RTL1: variants seen among roughly 807,000 people sequenced by gnomAD.
RTL1 encodes retrotransposon-like protein 1.
For missense variants in RTL1, 1,681 were observed against 1,767.5 expected (o/e 0.95, Z 0.88); for synonymous variants, 727 against 748.4 (o/e 0.97, Z 0.47).
At chr14:100,899,477 G>C (rs1223294310) in intron 2 of RTL1, among the ~76,000 whole-genome samples, 4 of 152,162 alleles carry the variant, frequency 2.6e-5, no homozygotes, top group Admixed American at 6.5e-5. Context: ...CACAGGCTTT[G>C]GGGGAGAGGA....
chr14:100,895,678 A>G (rs2038846173), intron 2 of RTL1, among the ~76,000 whole-genome samples: 2 of 152,110 alleles, frequency 1.3e-5, no homozygotes, highest in Non-Finnish European at 2.9e-5. Context: ...GTTTATGCGG[A>G]CTTTGAGAGG....
chr14:100,895,281 A>G (rs116871787), intron 2 of RTL1, among the ~76,000 whole-genome samples: 4,416 of 152,130 alleles, frequency 0.029, 95 homozygotes, highest in Middle Eastern at 0.11. Flanking sequence ...AGAGGGCAGG[A>G]TCTGCTTAGG....
At position 100,881,103 on chromosome 14, in the gene RTL1, T is replaced by A; in HGVS notation, c.3686A>T (p.Asp1229Val). Residue 1229 changes from aspartate (D) to valine (V), a missense_variant, in exon 4 of 4, where the codon GAT becomes GTT. Physicochemically the swap from Asp to Val is radical, Grantham distance 152 (BLOSUM62 -3). Coordinates refer to ENST00000649591, the MANE Select transcript of RTL1 (RefSeq NM_001134888.3). The surrounding 1 kb of genome is among the most constrained non-coding windows in gnomAD (Gnocchi z 6.6). ...YLELHVVGDE[D>V]VVLREALQDD... ...TTGCAGGGCTTCTCGCAAGACGACA[T>A]CCTCATCACCAACGACGTGCAGCTC... 5.7e-6 allele frequency: 9 copies of A among 1,589,390 alleles called. No homozygotes were observed. The highest frequency in any genetic ancestry group is 1.3e-5 in the African/African-American group (1 of 74,458).
intron 2 of RTL1, among the ~76,000 whole-genome samples, chr14:100,900,819 G>T (rs562126813): frequency 6.6e-6 from 1 of 152,044 alleles, no homozygotes; most frequent in African/African-American, 2.4e-5. Flanking sequence ...CCCCTCCCCC[G>T]TTTATGTAAA....
At position 100,883,757 on chromosome 14, in the gene RTL1, C is replaced by T. The variant is rs1198505814; in HGVS notation, c.1032G>A (p.Pro344=). 12 of 1,551,516 alleles carry T rather than the reference C, an allele frequency of 7.7e-6. No homozygotes were observed. Among genetic ancestry groups the T allele is most frequent in the South Asian group, 2.4e-5 (2 of 84,056 alleles). The change falls in exon 4 of 4, where the codon CCG becomes CCA. Residue 344 remains proline, a synonymous_variant. Transcript: ENST00000649591. This position sits in a 1 kb window ranked among gnomAD's most constrained non-coding sequence, Gnocchi z 5.9. ...GCACAATCAGACTGTCTAGGGAATCCGGCTGAGGGACCCGGAATAGATAGT... is the reference window on the plus strand; with the variant it reads ...GCACAATCAGACTGTCTAGGGAATCTGGCTGAGGGACCCGGAATAGATAGT... ...IRHYLFRVPQ[P]DSLDSLIVLI...
Position 100,881,046 on chromosome 14 carries a change from A to T in RTL1, c.3743T>A (p.Leu1248Gln). ...CGAGGTGTCTTGCAGGCCGTCATGC[A>T]GGCCACACTGACGGTAACGTTGCAG... The part of the protein sequence containing the change: ...DDLQRYRQCG[L>Q]HDGLQDTSQD... Residue 1248 changes from leucine to glutamine, a missense_variant, in exon 4 of 4, where the codon CTG becomes CAG. By Grantham distance (113) the Leu-to-Gln change is moderately radical. Transcript: ENST00000649591. This position sits in a 1 kb window ranked among gnomAD's most constrained non-coding sequence, Gnocchi z 6.6. The T allele has an allele frequency of 6.2e-7, 1 of 1,601,714 alleles. No homozygotes were observed. Among genetic ancestry groups the T allele is most frequent in the Non-Finnish European group, 8.5e-7 (1 of 1,174,216 alleles).
chr14:100,892,146 G>C (rs1253820301), intron 3 of RTL1, among the ~76,000 whole-genome samples: 2 of 152,206 alleles, frequency 1.3e-5, no homozygotes, highest in Non-Finnish European at 2.9e-5. Flanking sequence ...TGGGAGGGGT[G>C]TAAGAGTGGA....
chr14:100,885,663 C>T (rs995834694), intron 3 of RTL1, among the ~76,000 whole-genome samples: 6 of 152,018 alleles, frequency 3.9e-5, no homozygotes, highest in East Asian at 1.9e-4. Flanking sequence ...TATGTTCTCC[C>T]GACCTCTGAG....
rs1241802254 is a variant in RTL1, at chr14:100,880,218, G to A, written c.*494C>T. ...TCGGGAGGTTGGGGGATGGGGGTTG[G>A]GGGGCGGGGGCGGGAGCTCAGGGGA... On this transcript the variant is annotated 3_prime_UTR_variant, in exon 4 of 4. Transcript: ENST00000649591. Among the ~76,000 whole-genome samples the A allele has an allele frequency of 6.7e-6, 1 of 148,628 alleles. No homozygotes were observed. The highest frequency in any genetic ancestry group is 2.5e-5 in the African/African-American group (1 of 40,440).
intron 3 of RTL1, among the ~76,000 whole-genome samples, chr14:100,886,946 A>G (rs779983735): frequency 2.0e-5 from 3 of 152,206 alleles, no homozygotes; most frequent in Non-Finnish European, 4.4e-5. Flanking sequence ...AAATCCTTCA[A>G]TGTTCCTGCC....
Position 100,883,382 on chromosome 14 carries a change from G to C in RTL1, c.1407C>G (p.Asn469Lys). ...VQSVDGSLIG[N>K]EPVWLYTEPL... is the part of the protein sequence containing the mutation. ...GCTCCGTGTAGAGCCAGACAGGCTCGTTGCCAATCAGCGAGCCGTCCACGG... is the reference window on the plus strand; with the variant it reads ...GCTCCGTGTAGAGCCAGACAGGCTCCTTGCCAATCAGCGAGCCGTCCACGG... The change falls in exon 4 of 4, where the codon AAC (asparagine) becomes AAG (lysine). Residue 469 changes from asparagine to lysine, a missense_variant. Coordinates refer to ENST00000649591, the MANE Select transcript of RTL1 (RefSeq NM_001134888.3). The surrounding 1 kb of genome is among the most constrained non-coding windows in gnomAD (Gnocchi z 5.9). 6.4e-7 allele frequency: 1 copy of C among 1,550,648 alleles called. No homozygotes were observed. The highest frequency in any genetic ancestry group is 8.7e-7 in the Non-Finnish European group (1 of 1,146,334).
Position 100,881,967 on chromosome 14 carries a change from G to T in RTL1, c.2822C>A (p.Thr941Asn). ...GAGAAGGATCATGATGGGCTCCTCG[G>T]TGTTCTCCAGGTAGCGGCACCACAC... ...FMVWCRYLEN[T>N]EEPIMILLNT... is the part of the protein sequence containing the mutation. The change falls in exon 4 of 4, where the codon ACC becomes AAC. Residue 941 changes from threonine to asparagine, a missense_variant. Transcript: ENST00000649591. This position sits in a 1 kb window ranked among gnomAD's most constrained non-coding sequence, Gnocchi z 6.6. The T allele has an allele frequency of 1.2e-6, 2 of 1,613,784 alleles. No individual in the cohort carries two copies. The highest frequency in any genetic ancestry group is 1.7e-6 in the Non-Finnish European group (2 of 1,180,018).
At chr14:100,891,996 C>T (rs953080240) in intron 3 of RTL1, among the ~76,000 whole-genome samples, 3 of 152,206 alleles carry the variant, frequency 2.0e-5, no homozygotes, top group African/African-American at 7.2e-5. Context: ...CCATTGCTGC[C>T]TTAGTTCCAC....
At chr14:100,903,223 C>T (rs530861538) in intron 2 of RTL1, among the ~76,000 whole-genome samples, 68 bp downstream of exon 2, 26 of 152,270 alleles carry the variant, frequency 1.7e-4, no homozygotes, top group Non-Finnish European at 3.7e-4. Context: ...GGGGTCCGGG[C>T]ATCCCATAGA....
rs144074767 is a variant in RTL1, at chr14:100,893,751, C to T, written c.-148-246G>A. Among the ~76,000 whole-genome samples the T allele has an allele frequency of 7.2e-5, 11 of 152,330 alleles. No homozygotes were observed. In the East Asian group the frequency reaches 1.5e-3, roughly 21 times the overall value. ...TTTTACAGGTTTTCACTCTTTCAATCGTTCTAAGAAGCTGCGAGGGCCTTC... is the reference window on the plus strand; with the variant it reads ...TTTTACAGGTTTTCACTCTTTCAATTGTTCTAAGAAGCTGCGAGGGCCTTC... On this transcript the variant is annotated intron_variant, in intron 2 of 3. Coordinates refer to ENST00000649591, the MANE Select transcript of RTL1 (RefSeq NM_001134888.3). This position sits in a 1 kb window ranked among gnomAD's most constrained non-coding sequence, Gnocchi z 4.2.
Position 100,883,033 on chromosome 14 carries a change from C to A in RTL1, c.1756G>T (p.Asp586Tyr). Residue 586 changes from aspartate to tyrosine, a missense_variant, in exon 4 of 4, where the codon GAT becomes TAT. Physicochemically the swap from Asp to Tyr is radical, Grantham distance 160. Transcript: ENST00000649591. The surrounding 1 kb of genome is among the most constrained non-coding windows in gnomAD (Gnocchi z 5.9). The stretch of plus-strand genomic sequence containing the variant: ...TCAGAGGGCTCTGATTCAGAAAGAT[C>A]ATCGGATCCGTCTGAGCTTGGCTGG... ...SDQPSSDGSD[D>Y]LSESEPSELQ... 5 of 1,614,158 alleles carry A rather than the reference C, an allele frequency of 3.1e-6. No homozygotes were observed. The highest frequency in any genetic ancestry group is 4.2e-6 in the Non-Finnish European group (5 of 1,180,040).
intron 2 of RTL1, among the ~76,000 whole-genome samples, chr14:100,902,157 C>T (rs943624374): frequency 3.3e-5 from 5 of 152,328 alleles, no homozygotes; most frequent in African/African-American, 4.8e-5. Context: ...AGGGCTCGCA[C>T]GCAGAGCTGC....
In RTL1 at chr14:100,883,579, T is replaced by C. The variant is rs2038652822; in HGVS notation, c.1210A>G (p.Ile404Val). The change falls in exon 4 of 4, where the codon ATC (isoleucine) becomes GTC (valine). Residue 404 changes from isoleucine to valine, a missense_variant. Physicochemically the swap from Ile to Val is conservative, Grantham distance 29. Transcript: ENST00000649591. The surrounding 1 kb of genome is among the most constrained non-coding windows in gnomAD (Gnocchi z 5.9). ...AGCAGGAAGAGGTGGGCGCGATTGA[T>C]GTCCGGATGGACTTCGCTGGGCAAC... ...SWLPSEVHPD[I>V]NRAHLFLLLM... is the part of the protein sequence containing the mutation. The C allele has an allele frequency of 6.4e-7, 1 of 1,551,436 alleles. No individual in the cohort carries two copies. The highest frequency in any genetic ancestry group is 8.7e-7 in the Non-Finnish European group (1 of 1,146,992).
At chr14:100,898,078 C>T in intron 2 of RTL1, 1 of 385,148 alleles carries the variant, frequency 2.6e-6, no homozygotes. Flanking sequence ...TTGTTGATTA[C>T]ACTCTTCTAC....
Sources: gnomAD v4.1 joint callset for allele counts (sites outside exome capture counted in the v4.1 genomes callset) on GRCh38, gnomAD v4.1.1 for gene constraint, Gnocchi (gnomAD v3.1) non-coding constraint, MANE v1.5 for transcripts, NCBI Gene and HGNC (gene_info 2026-07-23, HGNC 2026-07-21) for gene names.